Variants in CHCHD3 observed in about 807,000 individuals in gnomAD.
The protein encoded by CHCHD3 is coiled-coil-helix-coiled-coil-helix domain containing 3.
CHCHD3 carries 20 observed loss-of-function variants against 38.2 expected under a neutral mutation model. That is an observed-to-expected ratio of 0.52 (90% CI 0.37 to 0.76). The LOEUF (loss-of-function observed/expected upper bound fraction) is 0.76, where lower values mean the gene tolerates loss of function less well. Among genes scored for constraint, CHCHD3 ranks in the 30% least tolerant of loss-of-function variants. The pLI is 0.00. For missense variants in CHCHD3, 245 were observed against 279.2 expected, an observed-to-expected ratio of 0.88 and a Z score of 0.87; for synonymous variants, 82 against 100.0, an observed-to-expected ratio of 0.82 and a Z score of 1.07.
intron 4 of CHCHD3, among the ~76,000 whole-genome samples, chr7:132,908,364 C>A (rs369954651): frequency 5.3e-5 from 8 of 152,148 alleles, no homozygotes; most frequent in African/African-American, 1.9e-4. Flanking sequence ...TATATAAAGT[C>A]CCAAACCTTA....
chr7:132,891,161 C>G (rs1809350606), intron 4 of CHCHD3, among the ~76,000 whole-genome samples: 1 of 152,136 alleles, frequency 6.6e-6, no homozygotes, highest in South Asian at 2.1e-4. Flanking sequence ...TAATTGAATT[C>G]TAGGCTTTTG....
chr7:133,048,234 G>A (rs954906701), intron 2 of CHCHD3, among the ~76,000 whole-genome samples: 8 of 152,128 alleles, frequency 5.3e-5, no homozygotes, highest in African/African-American at 1.2e-4. Flanking sequence ...GAGGGAAAGC[G>A]TAGTTTATAT....
chr7:132,913,700 G>A (rs952733044), intron 4 of CHCHD3, among the ~76,000 whole-genome samples: 14 of 152,146 alleles, frequency 9.2e-5, no homozygotes, highest in Admixed American at 7.2e-4. Context: ...GAATGATAGC[G>A]GAATCTGCAC....
At chr7:132,847,299 G>A (rs934275822) in intron 5 of CHCHD3, 1 of 152,226 alleles carries the variant, frequency 6.6e-6, no homozygotes, top group African/African-American at 2.4e-5. Context: ...AAGGAAGAAA[G>A]AATTTGGAAT....
At chr7:132,785,746 G>A (rs1327595004) in intron 7 of CHCHD3, 86 bp from the exon 8 acceptor site, 7 of 1,350,814 alleles carry the variant, frequency 5.2e-6, no homozygotes, top group South Asian at 1.2e-5. Flanking sequence ...GATTTGTGTT[G>A]CTTTTCAAAT....
At chr7:133,080,537 A>T (rs1425885814) in intron 1 of CHCHD3, among the ~76,000 whole-genome samples, 1 of 152,236 alleles carries the variant, frequency 6.6e-6, no homozygotes, top group Non-Finnish European at 1.5e-5. Context: ...TGAGTTGCGT[A>T]CTGAAAGCCT....
At chr7:133,031,395 C>A (rs1385913682) in intron 2 of CHCHD3, among the ~76,000 whole-genome samples, 1 of 152,102 alleles carries the variant, frequency 6.6e-6, no homozygotes, top group Non-Finnish European at 1.5e-5. Context: ...AAACAGAAGA[C>A]TGAAAATGCA....
intron 6 of CHCHD3, among the ~76,000 whole-genome samples, chr7:132,824,779 T>C (rs1807468175): frequency 6.6e-6 from 1 of 152,202 alleles, no homozygotes; most frequent in Admixed American, 6.5e-5. Context: ...TTCAATGCCC[T>C]CTTCATAGCA....
At chr7:133,011,886 C>T (rs181104213) in intron 3 of CHCHD3, among the ~76,000 whole-genome samples, 23 of 152,288 alleles carry the variant, frequency 1.5e-4, no homozygotes, top group Admixed American at 4.6e-4. Context: ...GAAACACTGA[C>T]ATTTACTTAT....
chr7:132,919,207 C>T (rs556573085), intron 4 of CHCHD3, among the ~76,000 whole-genome samples: 1 of 138,548 alleles, frequency 7.2e-6, no homozygotes, highest in Admixed American at 7.9e-5. Flanking sequence ...CTCCCGGGTT[C>T]ACACCATTCT....
intron 3 of CHCHD3, among the ~76,000 whole-genome samples, chr7:132,987,808 T>C (rs1296310840): frequency 1.3e-5 from 2 of 152,138 alleles, no homozygotes; most frequent in Non-Finnish European, 2.9e-5. Context: ...TTCCATAATA[T>C]GTCTGCCTGT....
intron 4 of CHCHD3, among the ~76,000 whole-genome samples, chr7:132,910,076 T>C (rs1809904182): frequency 6.6e-6 from 1 of 152,132 alleles, no homozygotes; most frequent in South Asian, 2.1e-4. Flanking sequence ...CAAAATACAG[T>C]AGTCACAGGA....
chr7:132,803,962 G>T (rs1210486560), intron 6 of CHCHD3, among the ~76,000 whole-genome samples: 1 of 151,578 alleles, frequency 6.6e-6, no homozygotes, highest in Non-Finnish European at 1.5e-5. Context: ...TCTTGTCTTC[G>T]AAGGTAACTT....
chr7:132,824,696 T>C (rs1386368323), intron 6 of CHCHD3, among the ~76,000 whole-genome samples: 7 of 152,188 alleles, frequency 4.6e-5, no homozygotes, highest in Non-Finnish European at 8.8e-5. Context: ...GTTCTTCAAG[T>C]CTGACTCCAG....
At chr7:133,022,735 C>T (rs879314406) in intron 3 of CHCHD3, among the ~76,000 whole-genome samples, 1 of 151,910 alleles carries the variant, frequency 6.6e-6, no homozygotes, top group Admixed American at 6.6e-5. Context: ...AGCTAGGCTG[C>T]CCACCCCATT....
intron 4 of CHCHD3, among the ~76,000 whole-genome samples, chr7:132,906,754 C>A (rs1376121504): frequency 1.3e-5 from 2 of 152,160 alleles, no homozygotes; most frequent in African/African-American, 4.8e-5. Flanking sequence ...TTGCAGAAAG[C>A]TATCTTTTGT....
intron 4 of CHCHD3, among the ~76,000 whole-genome samples, chr7:132,954,035 C>T (rs557869848): frequency 2.7e-4 from 41 of 152,168 alleles, no homozygotes; most frequent in African/African-American, 8.9e-4. Flanking sequence ...GATATTTATG[C>T]TATGGGATGA....
chr7:132,845,314 G>T (rs997295449), intron 5 of CHCHD3, among the ~76,000 whole-genome samples: 11 of 151,920 alleles, frequency 7.2e-5, no homozygotes, highest in African/African-American at 2.4e-4. Context: ...TGAACAGGGG[G>T]AAAAAAACTG....
chr7:132,867,044 T>C (rs1202268805), intron 5 of CHCHD3, among the ~76,000 whole-genome samples: 1 of 152,074 alleles, frequency 6.6e-6, no homozygotes. Context: ...TCTCCTCTTA[T>C]TGAGTCATTT....
Sources: gnomAD v4.1 joint callset for allele counts (sites outside exome capture counted in the v4.1 genomes callset) on GRCh38, gnomAD v4.1.1 for gene constraint, MANE v1.5 for transcripts, NCBI Gene and HGNC (gene_info 2026-07-23, HGNC 2026-07-21) for gene names.